GART: variants seen among roughly 807,000 people sequenced by gnomAD.
GART encodes trifunctional purine biosynthetic protein adenosine-3.
Under a neutral mutation model 107.2 loss-of-function variants are expected in GART, and 43 were observed. The observed-to-expected ratio is 0.40, with a 90% CI of 0.31 to 0.52. The LOEUF is 0.52. GART is among the 20% of genes least tolerant of loss of function. The probability of loss-of-function intolerance (pLI) is 0.52; values close to 1 mark genes in which losing one functional copy is unlikely to be tolerated. For synonymous variants in GART, 434 were observed against 427.0 expected (o/e 1.02, Z -0.20); for missense variants, 1,107 against 1,206.5 (o/e 0.92, Z 1.22).
rs958546321 is a variant in GART at position 33,534,900 on chromosome 21, C to T, written c.242-147G>A. 6.3e-6 allele frequency: 4 copies of T among 636,640 alleles called. No individual in the cohort carries two copies. The African/African-American group carries it at 7.6e-5, about 12-fold the overall frequency. 39.4% of individuals were successfully genotyped at this position (636,640 alleles called of 1,614,324 possible). ...ATAACTAACTTTTTCATGTTGTCTA[C>T]TGGATAGAGATAAAATGCTATTAAC... On this transcript the variant is annotated intron_variant, in intron 3 of 21. Transcript: ENST00000381815.
intron 2 of GART, 26 bp from the exon 3 acceptor site, chr21:33,535,346 AACCACTGCATTTAC>A: frequency 1.6e-6 from 2 of 1,233,050 alleles, no homozygotes; most frequent in Non-Finnish European, 2.2e-6. Flanking sequence ...AAAAAAAAAA[AACCACTGCATTTAC>A]AAAAACATTC....
At chr21:33,540,817 C>A (rs968278470) in intron 1 of GART, among the ~76,000 whole-genome samples, 2 of 152,028 alleles carry the variant, frequency 1.3e-5, no homozygotes, top group East Asian at 3.9e-4. Context: ...GAGCACTTAA[C>A]CTTGGGCAGG....
chr21:33,505,500 T>C (rs1239232086), intron 20 of GART, 61 bp downstream of exon 20: 2 of 1,440,062 alleles, frequency 1.4e-6, no homozygotes, highest in Non-Finnish European at 1.9e-6. Context: ...TGGCAAGTTA[T>C]CTGTTCTGGA....
In GART at chr21:33,522,285, A is replaced by G. The variant is rs200951421; in HGVS notation, c.1299-3T>C. On this transcript the variant is annotated splice_polypyrimidine_tract_variant and splice_region_variant and intron_variant, in intron 11 of 21. Transcript: ENST00000381815. ...CAGATTCCTTGTAAGTCAAACTCCT[A>G]AAGAATTAAAAACAAGTCATCACCT... The G allele has an allele frequency of 5.8e-4, 923 of 1,596,318 alleles. 2 individuals are homozygous for G. The highest frequency in any genetic ancestry group is 2.0e-3 in the South Asian group (181 of 90,630).
chr21:33,525,193 T>C (rs1447501168), intron 10 of GART, among the ~76,000 whole-genome samples, 193 bp from the exon 11 acceptor site: 1 of 151,758 alleles, frequency 6.6e-6, no homozygotes, highest in Non-Finnish European at 1.5e-5. Context: ...GAGACCAGCC[T>C]GGGCAACAGA....
chr21:33,532,178 A>G (rs2085204294), intron 5 of GART, 167 bp downstream of exon 5: 6 of 614,044 alleles, frequency 9.8e-6, no homozygotes, highest in Middle Eastern at 4.0e-4. Flanking sequence ...GTGTAAATCC[A>G]TAACTATTTT....
chr21:33,531,869 T>C (rs1601220258), intron 5 of GART: 1 of 315,042 alleles, frequency 3.2e-6, no homozygotes, highest in South Asian at 6.2e-5. Flanking sequence ...TAATCCTTAC[T>C]TCCGATTATA....
Position 33,535,336 on chromosome 21 carries a change from A to G in GART, c.146-16T>C, listed in dbSNP as rs755301129. On this transcript the variant is annotated splice_polypyrimidine_tract_variant and intron_variant, in intron 2 of 21. Transcript: ENST00000381815. ...ATTGAGATGGCTGTAAACAGAAAAA[A>G]AAAAAAAAAAACCACTGCATTTACA... 2.1e-6 allele frequency: 3 copies of G among 1,437,592 alleles called. No homozygotes were observed. The highest frequency in any genetic ancestry group is 1.9e-6 in the Non-Finnish European group (2 of 1,076,514). The allele number at this position is 1,437,592 out of a possible 1,614,324, so 89.1% of individuals were successfully genotyped here.
At chr21:33,537,745 G>C (rs896632099) in intron 2 of GART, among the ~76,000 whole-genome samples, 2 of 152,122 alleles carry the variant, frequency 1.3e-5, no homozygotes, top group African/African-American at 4.8e-5. Context: ...CATGGATAGG[G>C]TATAGTGAAA....
intron 16 of GART, among the ~76,000 whole-genome samples, chr21:33,513,557 G>A (rs2084827802): frequency 6.6e-6 from 1 of 152,208 alleles, no homozygotes; most frequent in Non-Finnish European, 1.5e-5. Flanking sequence ...GCGACAGGGT[G>A]AGACTCTGTC....
At chr21:33,523,416 T>C (rs2145721008) in intron 11 of GART, among the ~76,000 whole-genome samples, 1 of 152,288 alleles carries the variant, frequency 6.6e-6, no homozygotes, top group Admixed American at 6.5e-5. Flanking sequence ...ATAACTTAAA[T>C]AATTCAGACT....
Position 33,535,308 on chromosome 21 carries a change from C to T in GART, c.158G>A (p.Ser53Asn). The T allele has an allele frequency of 1.2e-6, 1 of 853,808 alleles. No individual in the cohort carries two copies. The highest frequency in any genetic ancestry group is 1.5e-5 in the South Asian group (1 of 68,478). The allele number at this position is 853,808 out of a possible 1,614,324, so 52.9% of individuals were successfully genotyped here. ...GAATTGAGCAAGGGCAGTGTGGTCACTGATTGAGATGGCTGTAAACAGAAA... is the reference window on the plus strand; with the variant it reads ...GAATTGAGCAAGGGCAGTGTGGTCATTGATTGAGATGGCTGTAAACAGAAA... ...EKISNTAISI[S>N]DHTALAQFCK... Residue 53 changes from serine to asparagine, a missense_variant, in exon 3 of 22, where the codon AGT (serine) becomes AAT (asparagine). Physicochemically the swap from Ser to Asn is conservative, Grantham distance 46. Coordinates refer to ENST00000381815, the MANE Select transcript of GART (RefSeq NM_000819.5).
chr21:33,532,291 G>T, intron 5 of GART, 54 bp downstream of exon 5: 2 of 1,193,514 alleles, frequency 1.7e-6, no homozygotes, highest in South Asian at 1.3e-5. Context: ...AACTTAAAAC[G>T]GTATTTATTC....
chr21:33,531,788 T>TCTG, intron 5 of GART: 1 of 457,908 alleles, frequency 2.2e-6, no homozygotes, highest in Non-Finnish European at 3.8e-6. Flanking sequence ...ACCTCTAATA[T>TCTG]TCTCCTGAAG....
rs2085034576 is a variant in GART, at chr21:33,524,621, T to C, written c.1298+148A>G. 4.9e-6 allele frequency: 7 copies of C among 1,430,532 alleles called. No individual in the cohort carries two copies. The Admixed American group carries it at 1.7e-4, about 36-fold the overall frequency. 88.6% of individuals were successfully genotyped at this position (1,430,532 alleles called of 1,614,324 possible). A position where few individuals can be genotyped will look rare whatever the true frequency, so the allele number is the denominator to read the frequency against. On this transcript the variant is annotated intron_variant, in intron 11 of 21. Transcript: ENST00000381815. ...ATTTGAGTATTGCTATAACCAGTTT[T>C]GATTCAAACAAAATACAAACCAAGA...
chr21:33,518,495 A>G (rs1050833991), intron 14 of GART: 10 of 183,704 alleles, frequency 5.4e-5, no homozygotes, highest in Non-Finnish European at 9.1e-5. Flanking sequence ...AAAAAAAAAA[A>G]GAAGAAATTG....
Position 33,504,450 on chromosome 21 carries a change from C to T in GART, c.2803G>A (p.Gly935Arg), listed in dbSNP as rs374700755. Reference protein sequence around the residue: ...SNAHEQALETGVTVTGCTVHF... With the variant: ...SNAHEQALETRVTVTGCTVHF... ...ACAGTGCACCCAGTAACTGTGACTC[C>T]GGTTTCCAGGGCTTGCTCATGGGCA... The change falls in exon 21 of 22, where the codon GGA (glycine) becomes AGA (arginine). Residue 935 changes from glycine (G) to arginine (R), a missense_variant. Transcript: ENST00000381815. 9.3e-6 allele frequency: 15 copies of T among 1,613,920 alleles called. No individual in the cohort carries two copies. Among genetic ancestry groups the T allele is most frequent in the South Asian group, 4.4e-5 (4 of 91,080 alleles).
Position 33,517,495 on chromosome 21 carries a change from T to A in GART, c.1816A>T (p.Thr606Ser). 6.2e-7 allele frequency: 1 copy of A among 1,614,212 alleles called. No individual in the cohort carries two copies. ...ATTCCAACAACAACATCACCCTCAGTGATTCTTTCCAGGTGAGGGAGTTTC... is the reference window on the plus strand; with the variant it reads ...ATTCCAACAACAACATCACCCTCAGAGATTCTTTCCAGGTGAGGGAGTTTC... Reference protein sequence around the residue: ...DQKLPHLERITEGDVVVGIAS... With the variant: ...DQKLPHLERISEGDVVVGIAS... The change falls in exon 15 of 22, where the codon ACT becomes TCT. Residue 606 changes from threonine to serine, a missense_variant. By Grantham distance (58) the Thr-to-Ser change is moderately conservative (BLOSUM62 1). Transcript: ENST00000381815.
intron 10 of GART, among the ~76,000 whole-genome samples, 160 bp from the exon 11 acceptor site, chr21:33,525,160 G>A (rs2085048741): frequency 6.6e-6 from 1 of 151,524 alleles, no homozygotes; most frequent in Non-Finnish European, 1.5e-5. Flanking sequence ...GCTGAGGCAA[G>A]GACTGCTTGA....
Sources: allele counts gnomAD v4.1 joint callset (sites outside exome capture counted in the v4.1 genomes callset), GRCh38; gene constraint gnomAD v4.1.1; transcripts MANE v1.5; gene names NCBI Gene and HGNC (gene_info 2026-07-23, HGNC 2026-07-21).